The following SPATA1 variants were observed in gnomAD, a reference collection of about 807,000 sequenced individuals.
The protein encoded by SPATA1 is spermatogenesis-associated protein 1.
In SPATA1, 57 loss-of-function variants were observed where a neutral mutation model predicts 59.6. The observed-to-expected ratio is 0.96, with a 90% confidence interval of 0.77 to 1.19. The LOEUF (loss-of-function observed/expected upper bound fraction) is 1.19. Among genes scored for constraint, SPATA1 ranks in the 50% most tolerant of loss-of-function variants. The pLI is 0.00. For missense variants in SPATA1, 448 were observed against 480.7 expected (o/e 0.93, Z 0.64); for synonymous variants, 147 against 163.9 (o/e 0.90, Z 0.79).
intron 9 of SPATA1, among the ~76,000 whole-genome samples, chr1:84,544,583 C>CA (rs1423736018): frequency 6.6e-6 from 1 of 151,740 alleles, no homozygotes; most frequent in African/African-American, 2.4e-5. Context: ...TTTTTTTAGA[C>CA]AGAGTCTGAC....
downstream of SPATA1, chr1:84,554,884 C>CT (rs943518172): frequency 3.6e-4 from 268 of 747,480 alleles, no homozygotes; most frequent in Non-Finnish European, 4.6e-4. Context: ...TTTATTTATT[C>CT]TTTTTTTTTA....
At chr1:84,514,216 C>T (rs558219143) in intron 1 of SPATA1, among the ~76,000 whole-genome samples, 44 of 152,214 alleles carry the variant, frequency 2.9e-4, no homozygotes, top group African/African-American at 1.1e-3. Context: ...GGTCTAATCC[C>T]CAAGGGCTCA....
At chr1:84,527,098 T>C (rs911485215) in intron 6 of SPATA1, among the ~76,000 whole-genome samples, 2 of 152,044 alleles carry the variant, frequency 1.3e-5, no homozygotes, top group Admixed American at 6.5e-5. Flanking sequence ...CTTTGGAACA[T>C]TGTTGGGTTT....
chr1:84,520,097 A>G (rs1353587341), intron 2 of SPATA1: 1 of 152,410 alleles, frequency 6.6e-6, no homozygotes, highest in Non-Finnish European at 1.5e-5. Flanking sequence ...TCTTCCTGGA[A>G]TTCTGGGGAA....
In SPATA1 at chr1:84,532,844, T is replaced by A; in HGVS notation, c.545-16T>A. ...CATTCTGAACTTTATTTGCTGTGGA[T>A]GACCATCAACATCAGCTGGGGGAAA... On this transcript the variant is annotated splice_polypyrimidine_tract_variant and intron_variant, in intron 6 of 12. Transcript: ENST00000490879. The A allele has an allele frequency of 6.6e-7, 1 of 1,509,130 alleles. No homozygotes were observed. 93.5% of individuals were successfully genotyped at this position (1,509,130 alleles called of 1,614,324 possible).
At chr1:84,557,549 A>G (rs1007152743), downstream of SPATA1, among the ~76,000 whole-genome samples, 1,931 of 136,878 alleles carry the variant, frequency 0.014, 27 homozygotes, top group Non-Finnish European at 0.018. Flanking sequence ...AAAAAAAAAA[A>G]AAAAGAAAAA....
At chr1:84,517,528 A>AT (rs1200518908) in intron 2 of SPATA1, among the ~76,000 whole-genome samples, 8 of 152,012 alleles carry the variant, frequency 5.3e-5, no homozygotes, top group Admixed American at 2.6e-4. Flanking sequence ...CTGAAACTGG[A>AT]TTTTTTTCCC....
chr1:84,563,991 T>G, intron 4 of SPATA1: 1 of 461,668 alleles, frequency 2.2e-6, no homozygotes, highest in South Asian at 9.2e-5. Context: ...TTAAGAACCA[T>G]AAATTCTATA....
chr1:84,510,572 A>G (rs1317607836), intron 1 of SPATA1, among the ~76,000 whole-genome samples: 1 of 152,248 alleles, frequency 6.6e-6, no homozygotes, highest in African/African-American at 2.4e-5. Flanking sequence ...AATGTAAATT[A>G]GTACCACCAC....
chr1:84,551,414 C>A, intron 12 of SPATA1: 1 of 491,368 alleles, frequency 2.0e-6, no homozygotes, highest in Non-Finnish European at 2.6e-6. Context: ...TTAGCACTGT[C>A]CAACAGAACT....
In SPATA1 at chr1:84,549,115, G is replaced by A. The variant is rs568910000; in HGVS notation, c.1125+151G>A. Among the ~76,000 whole-genome samples, 7 of 152,242 alleles carry A rather than the reference G, an allele frequency of 4.6e-5. No individual in the cohort carries two copies. The South Asian group carries it at 1.5e-3, about 32-fold the overall frequency. ...AAACTCATGACCTTATGTAATAGGA[G>A]GAGCATTGCTGAGGAGATACAGTCA... On this transcript the variant is annotated intron_variant, in intron 11 of 12. Coordinates refer to ENST00000490879, the Ensembl canonical transcript of SPATA1.
intron 6 of SPATA1, 70 bp downstream of exon 6, chr1:84,526,143 C>G: frequency 7.5e-7 from 1 of 1,332,090 alleles, no homozygotes; most frequent in Non-Finnish European, 1.0e-6. Context: ...AGTCTGTAAG[C>G]AAACCCTGAG....
intron 1 of SPATA1, among the ~76,000 whole-genome samples, chr1:84,513,438 A>G (rs971043540): frequency 6.6e-6 from 1 of 152,234 alleles, no homozygotes; most frequent in Non-Finnish European, 1.5e-5. Flanking sequence ...CCAGCCATGC[A>G]TGCCTAAAGT....
intron 9 of SPATA1, 72 bp downstream of exon 9, chr1:84,544,376 G>C: frequency 8.8e-7 from 1 of 1,136,330 alleles, no homozygotes; most frequent in Non-Finnish European, 1.3e-6. Context: ...GGGAGTTACT[G>C]TTTAATGGGT....
intron 8 of SPATA1, among the ~76,000 whole-genome samples, chr1:84,541,280 A>C (rs1369396876): frequency 6.6e-6 from 1 of 152,056 alleles, no homozygotes; most frequent in African/African-American, 2.4e-5. Context: ...GATGTTTTCT[A>C]AAATTATAAT....
chr1:84,530,433 C>A (rs1683423753), intron 6 of SPATA1, among the ~76,000 whole-genome samples: 2 of 152,202 alleles, frequency 1.3e-5, no homozygotes, highest in African/African-American at 4.8e-5. Flanking sequence ...ACTGGTACTT[C>A]TGGAGAGGTA....
chr1:84,516,244 C>A, exon 2 of SPATA1: 1 of 839,772 alleles, frequency 1.2e-6, no homozygotes. Context: ...GAGTGGAATG[C>A]TATCTTAAGC....
chr1:84,561,889 C>T (rs1300002044), intron 4 of SPATA1, among the ~76,000 whole-genome samples: 2 of 152,146 alleles, frequency 1.3e-5, no homozygotes, highest in Non-Finnish European at 2.9e-5. Context: ...ATAGTATAAA[C>T]ATAACTTTTA....
intron 1 of SPATA1, among the ~76,000 whole-genome samples, chr1:84,514,425 A>G (rs955801190): frequency 6.6e-6 from 1 of 152,144 alleles, no homozygotes; most frequent in African/African-American, 2.4e-5. Flanking sequence ...CAGATTTCAG[A>G]TTTTTTCAAA....
Sources: gnomAD v4.1 joint callset for allele counts (sites outside exome capture counted in the v4.1 genomes callset) on GRCh38, gnomAD v4.1.1 for gene constraint, MANE v1.5 for transcripts, NCBI Gene and HGNC (gene_info 2026-07-23, HGNC 2026-07-21) for gene names.